The following KIAA0319L variants were observed in gnomAD, a reference collection of about 807,000 sequenced individuals.
The protein encoded by KIAA0319L is dyslexia-associated protein KIAA0319-like protein.
KIAA0319L carries 55 observed loss-of-function variants against 120.1 expected under a neutral mutation model. That is an observed-to-expected ratio of 0.46 (90% CI 0.37 to 0.57). The LOEUF (loss-of-function observed/expected upper bound fraction) is 0.57. KIAA0319L is among the 20% of genes least tolerant of loss of function. The pLI, the probability that KIAA0319L is intolerant of heterozygous loss-of-function variation, is 0.00. For synonymous variants in KIAA0319L, 398 were observed against 471.9 expected (o/e 0.84, Z 2.03); for missense variants, 1,049 against 1,255.3 (o/e 0.84, Z 2.48).
chr1:35,554,500 A>C lies in KIAA0319L; in HGVS notation c.-9T>G, dbSNP rs764661069. On this transcript the variant is annotated 5_prime_UTR_variant, in exon 2 of 21. Coordinates refer to ENST00000325722, the MANE Select transcript of KIAA0319L (RefSeq NM_024874.5). ...CCCAGCCTCTTCTCCATGGCCCTCC[A>C]GACAGGCAGAACCAGTACACTAGAA... 1.9e-6 allele frequency: 3 copies of C among 1,601,496 alleles called. No individual in the cohort carries two copies. In the Admixed American group the frequency reaches 5.3e-5, roughly 28 times the overall value.
rs929223559 is a variant in KIAA0319L, at chr1:35,445,841, A to G, written c.2514-1538T>C. 2.0e-5 allele frequency among the ~76,000 whole-genome samples: 3 copies of G among 152,166 alleles called. No individual in the cohort carries two copies. The East Asian group carries it at 5.8e-4, about 29-fold the overall frequency. On this transcript the variant is annotated intron_variant, in intron 16 of 20. Coordinates refer to ENST00000325722, the MANE Select transcript of KIAA0319L (RefSeq NM_024874.5). ...CCAGTACAAGCCAGAAGCTCAGGGA[A>G]ACCCAGAAGCTTCTCTCTTGCTCAT...
intron 2 of KIAA0319L, among the ~76,000 whole-genome samples, chr1:35,541,785 G>A (rs534858034): frequency 6.6e-6 from 1 of 152,232 alleles, no homozygotes; most frequent in African/African-American, 2.4e-5. Flanking sequence ...AGTTTTGGGG[G>A]AAGTGAACTA....
At chr1:35,544,686 G>A (rs1009609758) in intron 2 of KIAA0319L, among the ~76,000 whole-genome samples, 1 of 152,158 alleles carries the variant, frequency 6.6e-6, no homozygotes, top group African/African-American at 2.4e-5. Flanking sequence ...TGCTAGAGAT[G>A]TAACTATGAG....
At chr1:35,529,932 C>T (rs1247583655) in intron 2 of KIAA0319L, among the ~76,000 whole-genome samples, 3 of 150,128 alleles carry the variant, frequency 2.0e-5, no homozygotes, top group African/African-American at 7.3e-5. Context: ...TTCTGGGATA[C>T]CCAAGACTCA....
At chr1:35,447,202 A>G (rs1181704170) in intron 16 of KIAA0319L, among the ~76,000 whole-genome samples, 1 of 150,568 alleles carries the variant, frequency 6.6e-6, no homozygotes, top group Non-Finnish European at 1.5e-5. Context: ...GTCTCTCCCT[A>G]TTTTAGACTA....
At chr1:35,498,158 C>A (rs1417858918) in intron 3 of KIAA0319L, among the ~76,000 whole-genome samples, 1 of 151,966 alleles carries the variant, frequency 6.6e-6, no homozygotes, top group African/African-American at 2.4e-5. Flanking sequence ...CGTGATGAAA[C>A]CCTGTCGCTA....
At chr1:35,498,307 T>C (rs1644885300) in intron 3 of KIAA0319L, among the ~76,000 whole-genome samples, 2 of 150,534 alleles carry the variant, frequency 1.3e-5, no homozygotes, top group Admixed American at 6.6e-5. Flanking sequence ...CACTCCAGCC[T>C]GGGAAATAAG....
chr1:35,456,850 T>C (rs1380264227), intron 9 of KIAA0319L, among the ~76,000 whole-genome samples: 1 of 67,710 alleles, frequency 1.5e-5, no homozygotes, highest in Non-Finnish European at 2.8e-5. Flanking sequence ...GAAGGAGAGA[T>C]GGAGGGAAGG....
intron 2 of KIAA0319L, among the ~76,000 whole-genome samples, chr1:35,513,286 AT>A (rs1645539596): frequency 9.7e-6 from 1 of 102,778 alleles, no homozygotes; most frequent in Non-Finnish European, 1.9e-5. Context: ...ATATATATAT[AT>A]ATTTTTTTTT....
intron 2 of KIAA0319L, among the ~76,000 whole-genome samples, chr1:35,521,655 TAAATAAATAAATAA>T (rs1431947594): frequency 3.6e-5 from 5 of 139,720 alleles, no homozygotes; most frequent in Non-Finnish European, 7.7e-5. Context: ...AATAATAAAA[TAAATAAATAAATAA>T]AAATAAATAA....
chr1:35,467,598 G>T (rs1643354841), intron 6 of KIAA0319L, among the ~76,000 whole-genome samples: 1 of 152,048 alleles, frequency 6.6e-6, no homozygotes, highest in African/African-American at 2.4e-5. Context: ...GGTATTCAAA[G>T]TTCTAGCTAA....
At position 35,497,319 on chromosome 1, in the gene KIAA0319L, T is replaced by C. The variant is rs971170790; in HGVS notation, c.666+9293A>G. Among the ~76,000 whole-genome samples the C allele has an allele frequency of 4.6e-5, 7 of 152,198 alleles. 1 individual carries two copies. The South Asian group carries it at 1.4e-3, about 31-fold the overall frequency. The stretch of plus-strand genomic sequence containing the variant: ...TATGCATTTACTAAAACCACTGAAT[T>C]GTATGCTTAAAAGGAATGTTTCCTT... On this transcript the variant is annotated intron_variant, in intron 3 of 20. Coordinates refer to ENST00000325722, the MANE Select transcript of KIAA0319L (RefSeq NM_024874.5).
intron 2 of KIAA0319L, among the ~76,000 whole-genome samples, chr1:35,517,025 G>A (rs527386277): frequency 1.3e-3 from 196 of 151,988 alleles, no homozygotes; most frequent in Non-Finnish European, 2.4e-3. Context: ...GCTCTACAAT[G>A]AGAATTATAA....
intron 2 of KIAA0319L, among the ~76,000 whole-genome samples, chr1:35,525,023 C>T (rs1646067805): frequency 6.6e-6 from 1 of 152,160 alleles, no homozygotes; most frequent in African/African-American, 2.4e-5. Context: ...TCCTTCCCAG[C>T]TTCAGTTAAT....
intron 14 of KIAA0319L, 124 bp from the exon 15 acceptor site, chr1:35,450,129 T>C: frequency 8.2e-7 from 1 of 1,219,210 alleles, no homozygotes; most frequent in Non-Finnish European, 1.2e-6. Context: ...GGGCAGTTCC[T>C]GATACGGAAC....
chr1:35,462,804 A>G, intron 7 of KIAA0319L, 91 bp from the exon 8 acceptor site: 1 of 1,029,584 alleles, frequency 9.7e-7, no homozygotes, highest in East Asian at 2.5e-5. Flanking sequence ...ATCAATTTCC[A>G]TTACATCAGT....
chr1:35,555,610 T>C (rs2148526698), intron 1 of KIAA0319L, among the ~76,000 whole-genome samples: 1 of 152,302 alleles, frequency 6.6e-6, no homozygotes, highest in East Asian at 1.9e-4. Context: ...AGGAGGTGTG[T>C]GGGCCAGAGA....
At chr1:35,480,536 C>T (rs1192296631) in intron 3 of KIAA0319L, among the ~76,000 whole-genome samples, 3 of 152,134 alleles carry the variant, frequency 2.0e-5, no homozygotes, top group Non-Finnish European at 4.4e-5. Flanking sequence ...AATCCCAGCA[C>T]TTTGGGAGGC....
In KIAA0319L at chr1:35,466,629, C is replaced by T. The variant is rs748907663; in HGVS notation, c.1180G>A (p.Val394Met). The change falls in exon 7 of 21, where the codon GTG becomes ATG. Residue 394 changes from valine (V) to methionine (M), a missense_variant. Physicochemically the swap from Val to Met is conservative, Grantham distance 21. Coordinates refer to ENST00000325722, the MANE Select transcript of KIAA0319L (RefSeq NM_024874.5). The part of the protein sequence containing the change: ...EGQNAHGEGY[V>M]NVTVKPEPRK... The stretch of plus-strand genomic sequence containing the variant: ...ATACCTGGCTTGACTGTCACGTTCA[C>T]ATAGCCTTCCCCATGGGCATTTTGA... The T allele has an allele frequency of 6.2e-7, 1 of 1,613,480 alleles. No homozygotes were observed. The highest frequency in any genetic ancestry group is 8.5e-7 in the Non-Finnish European group (1 of 1,179,466).
Sources: allele counts gnomAD v4.1 joint callset (sites outside exome capture counted in the v4.1 genomes callset), GRCh38; gene constraint gnomAD v4.1.1; transcripts MANE v1.5; gene names NCBI Gene and HGNC (gene_info 2026-07-23, HGNC 2026-07-21).